The following CSDE1 variants were observed in gnomAD, a reference collection of about 807,000 sequenced individuals.
The protein encoded by CSDE1 is cold shock domain containing E1.
Under a neutral mutation model 89.3 loss-of-function variants are expected in CSDE1, and 17 were observed. The observed-to-expected ratio is 0.19, with a 90% CI of 0.13 to 0.29. The LOEUF (loss-of-function observed/expected upper bound fraction) is 0.29, where lower values mean the gene tolerates loss of function less well. Ranked by LOEUF, CSDE1 falls within the 10% of genes least tolerant of loss-of-function variation. CSDE1 has a pLI of 1.00. For missense variants in CSDE1, 672 were observed against 984.2 expected, an observed-to-expected ratio of 0.68 and a Z score of 4.24; for synonymous variants, 322 against 332.8, an observed-to-expected ratio of 0.97 and a Z score of 0.35.
At chr1:114,739,175 G>T (rs1660581890) in intron 3 of CSDE1, among the ~76,000 whole-genome samples, 3 of 152,066 alleles carry the variant, frequency 2.0e-5, no homozygotes, top group Non-Finnish European at 4.4e-5. Context: ...GGGACTACAG[G>T]TGCCTGCCAC....
intron 4 of CSDE1, 46 bp from the exon 5 acceptor site, chr1:114,737,609 A>T (rs774455910): frequency 2.1e-6 from 3 of 1,421,980 alleles, no homozygotes; most frequent in South Asian, 2.3e-5. Flanking sequence ...TCATTTCAGG[A>T]GCAGCACTGT....
At chr1:114,734,545 G>A in intron 6 of CSDE1, 22 bp from the exon 7 acceptor site, 6 of 1,591,344 alleles carry the variant, frequency 3.8e-6, no homozygotes, top group Non-Finnish European at 5.1e-6. Context: ...ATAATTGCAG[G>A]GAGGAGGAAT....
chr1:114,732,656 T>C lies in CSDE1; in HGVS notation c.998A>G (p.Asn333Ser), dbSNP rs758159200. ...AAATGTATTTGACAGAACTTCTATA[T>C]TGGTTGCTCGCTCTAATTTGTCACG... ...DRRDKLERAT[N>S]IEVLSNTFQF... The change falls in exon 10 of 20, where the codon AAT (asparagine) becomes AGT (serine). Residue 333 changes from asparagine (N) to serine (S), a missense_variant. By Grantham distance (46) the Asn-to-Ser change is conservative. Coordinates refer to ENST00000358528, the MANE Select transcript of CSDE1 (RefSeq NM_001007553.3). 32 of 1,614,084 alleles carry C rather than the reference T, an allele frequency of 2.0e-5. No homozygotes were observed. Among genetic ancestry groups the C allele is most frequent in the Non-Finnish European group, 2.3e-5 (27 of 1,180,034 alleles).
At chr1:114,751,548 T>C (rs1281497118) in intron 1 of CSDE1, among the ~76,000 whole-genome samples, 4 of 152,198 alleles carry the variant, frequency 2.6e-5, no homozygotes, top group African/African-American at 9.6e-5. Context: ...TCTGGCCATT[T>C]TCTATTCTCT....
At chr1:114,727,190 T>C in intron 12 of CSDE1, 100 bp from the exon 13 acceptor site, 1 of 751,018 alleles carries the variant, frequency 1.3e-6, no homozygotes, top group Non-Finnish European at 2.2e-6. Flanking sequence ...AAAGGATTGG[T>C]ACAGCTGTAA....
At chr1:114,733,903 G>T in intron 8 of CSDE1, 46 bp from the exon 9 acceptor site, 1 of 1,608,346 alleles carries the variant, frequency 6.2e-7, no homozygotes, top group South Asian at 1.1e-5. Context: ...GAGGAAGGAA[G>T]AATCACATAA....
rs1659394738 is a variant in CSDE1, at chr1:114,719,553, A to G, written c.2216+26T>C. 4.4e-6 allele frequency: 7 copies of G among 1,607,838 alleles called. No homozygotes were observed. In the East Asian group the frequency reaches 1.1e-4, roughly 26 times the overall value. ...GTTGAGACACTCCAGGGTAGTTACT[A>G]ATCAAACCACAACAACAAAACTCAC... On this transcript the variant is annotated intron_variant, in intron 18 of 19. Transcript: ENST00000358528.
rs554287982 is a variant in CSDE1, at chr1:114,754,116, G to A, written c.-388+3809C>T. 5.9e-5 allele frequency among the ~76,000 whole-genome samples: 9 copies of A among 152,264 alleles called. No homozygotes were observed. The East Asian group carries it at 1.7e-3, about 29-fold the overall frequency. On this transcript the variant is annotated intron_variant, in intron 1 of 19. Coordinates refer to ENST00000358528, the MANE Select transcript of CSDE1 (RefSeq NM_001007553.3). Reference sequence around the variant, plus strand: ...CGATTCTCCTGCCTCAGCCTCCCCAGTAGCTGGGACTACAGGCGTGTACCA... The same window carrying A: ...CGATTCTCCTGCCTCAGCCTCCCCAATAGCTGGGACTACAGGCGTGTACCA...
intron 10 of CSDE1, 52 bp downstream of exon 10, chr1:114,732,551 AT>A: frequency 1.3e-6 from 2 of 1,551,880 alleles, no homozygotes; most frequent in Non-Finnish European, 8.9e-7. Context: ...AAACTTGAAT[AT>A]AACATTGGCT....
Position 114,726,248 on chromosome 1 carries a change from T to C in CSDE1, c.1603A>G (p.Thr535Ala). The change falls in exon 14 of 20, where the codon ACA (threonine) becomes GCA (alanine). Residue 535 changes from threonine (T) to alanine (A), a missense_variant. By Grantham distance (58) the Thr-to-Ala change is moderately conservative. This residue lies in a region of CSDE1 where 206 missense variants were observed against 332.4 expected (regional missense o/e 0.62). Transcript: ENST00000358528. ...AAGATTTCCTTATCATGATTGGCTG[T>C]TTCAATAAATCCAAAATTATCCTTC... ...TLKDNFGFIETANHDKEIFFH... is the reference protein window; with the variant it reads ...TLKDNFGFIEAANHDKEIFFH... 6.2e-7 allele frequency: 1 copy of C among 1,611,878 alleles called. No individual in the cohort carries two copies. Among genetic ancestry groups the C allele is most frequent in the Non-Finnish European group, 8.5e-7 (1 of 1,179,124 alleles).
chr1:114,745,462 A>T (rs541279797), intron 2 of CSDE1, among the ~76,000 whole-genome samples: 1 of 152,336 alleles, frequency 6.6e-6, no homozygotes, highest in South Asian at 2.1e-4. Flanking sequence ...TTTCAAATGT[A>T]TTTAAAGACC....
intron 12 of CSDE1, among the ~76,000 whole-genome samples, chr1:114,729,662 T>C (rs1266727767): frequency 6.6e-6 from 1 of 152,190 alleles, no homozygotes. Flanking sequence ...ACCCTACCAG[T>C]TAATTTTCAC....
At chr1:114,730,104 T>A (rs1367138149) in intron 12 of CSDE1, among the ~76,000 whole-genome samples, 154 bp downstream of exon 12, 1 of 152,230 alleles carries the variant, frequency 6.6e-6, no homozygotes, top group Non-Finnish European at 1.5e-5. Context: ...ATCCCAAGGT[T>A]AAGAAACCTT....
intron 3 of CSDE1, 91 bp downstream of exon 3, chr1:114,739,601 C>T: frequency 1.8e-6 from 2 of 1,095,718 alleles, no homozygotes; most frequent in East Asian, 4.8e-5. Context: ...TTTTAATTTA[C>T]ATAAAACTTT....
chr1:114,744,631 A>C (rs937272891), intron 2 of CSDE1, among the ~76,000 whole-genome samples: 9 of 151,598 alleles, frequency 5.9e-5, no homozygotes, highest in South Asian at 2.1e-4. Flanking sequence ...ATACACACAC[A>C]CCCCCATGGA....
At chr1:114,740,797 A>G (rs1029982736) in intron 2 of CSDE1, among the ~76,000 whole-genome samples, 5 of 152,260 alleles carry the variant, frequency 3.3e-5, no homozygotes, top group African/African-American at 4.8e-5. Context: ...GCCTAGGTCT[A>G]TAATTTACCA....
chr1:114,748,590 C>T (rs1292494366), intron 2 of CSDE1, among the ~76,000 whole-genome samples: 3 of 152,176 alleles, frequency 2.0e-5, no homozygotes, highest in African/African-American at 7.2e-5. Context: ...CTTCCCTATT[C>T]CTATGAACAA....
chr1:114,737,267 C>G lies in CSDE1; in HGVS notation c.402+204G>C, dbSNP rs559840760. On this transcript the variant is annotated intron_variant, in intron 5 of 19. Coordinates refer to ENST00000358528, the MANE Select transcript of CSDE1 (RefSeq NM_001007553.3). ...CCTTAATGTTCTAACTAAGGTCATA[C>G]TTGGGCAAACTAAGACACTTGGAAG... is the stretch of plus-strand genomic sequence containing the variant. Among the ~76,000 whole-genome samples, 4 of 152,228 alleles carry G rather than the reference C, an allele frequency of 2.6e-5. No individual in the cohort carries two copies. In the East Asian group the frequency reaches 7.7e-4, roughly 29 times the overall value.
In CSDE1 at chr1:114,753,696, T is replaced by C. The variant is rs140385934; in HGVS notation, c.-387-3489A>G. On this transcript the variant is annotated intron_variant, in intron 1 of 19. Transcript: ENST00000358528. ...ACTGTGGCAGGCCAAGGTGGGAGGA[T>C]TGTCTGAGACCAGCCTGGGCAACAT... Among the ~76,000 whole-genome samples, 93 of 152,158 alleles carry C rather than the reference T, an allele frequency of 6.1e-4. 3 individuals are homozygous for C. In the East Asian group the frequency reaches 0.014, roughly 22 times the overall value.
Sources: gnomAD v4.1 joint callset for allele counts (sites outside exome capture counted in the v4.1 genomes callset) on GRCh38, gnomAD v4.1.1 for gene constraint, gnomAD v4.1.1 regional missense constraint, MANE v1.5 for transcripts, NCBI Gene and HGNC (gene_info 2026-07-23, HGNC 2026-07-21) for gene names.